PARD3: variants seen among roughly 807,000 people sequenced by gnomAD.
PARD3 encodes par-3 family cell polarity regulator, also known as partitioning defective 3 homolog.
A neutral mutation model predicts 155.4 loss-of-function variants in PARD3; 75 were observed. The ratio of observed to expected loss-of-function variants is 0.48; its 90% CI spans 0.40 to 0.58. The LOEUF is 0.58. Among genes scored for constraint, PARD3 ranks in the 20% least tolerant of loss-of-function variants. The pLI is 0.00. For missense variants in PARD3, 1,642 were observed against 1,721.7 expected, an observed-to-expected ratio of 0.95 and a Z score of 0.82; for synonymous variants, 576 against 610.5, an observed-to-expected ratio of 0.94 and a Z score of 0.83.
chr10:34,145,963 T>C (rs139594424), intron 22 of PARD3, among the ~76,000 whole-genome samples: 2 of 152,298 alleles, frequency 1.3e-5, no homozygotes, highest in East Asian at 1.9e-4. Flanking sequence ...TGACAGTGTA[T>C]GTGGACTCCT....
At chr10:34,785,756 T>C (rs1417758094) in intron 1 of PARD3, among the ~76,000 whole-genome samples, 1 of 152,144 alleles carries the variant, frequency 6.6e-6, no homozygotes, top group Non-Finnish European at 1.5e-5. Context: ...TTATAAGACA[T>C]GGGCGGACCG....
intron 22 of PARD3, among the ~76,000 whole-genome samples, chr10:34,218,012 C>T (rs937547323): frequency 8.5e-5 from 13 of 152,216 alleles, no homozygotes; most frequent in East Asian, 3.9e-4. Flanking sequence ...TGTTTGTGAC[C>T]GATGCCAGAA....
chr10:34,597,538 C>G (rs1036813245), intron 2 of PARD3, among the ~76,000 whole-genome samples: 3 of 152,164 alleles, frequency 2.0e-5, no homozygotes, highest in African/African-American at 7.2e-5. Context: ...AAGTGATCCT[C>G]CCATCTCAGC....
intron 1 of PARD3, among the ~76,000 whole-genome samples, chr10:34,741,826 A>C (rs1387330832): frequency 1.3e-5 from 2 of 152,242 alleles, no homozygotes; most frequent in Non-Finnish European, 2.9e-5. Context: ...AAAAATTAAC[A>C]AAAGTTGATA....
intron 5 of PARD3, among the ~76,000 whole-genome samples, chr10:34,432,850 TA>T (rs1255187093): frequency 6.6e-6 from 1 of 152,022 alleles, no homozygotes; most frequent in Non-Finnish European, 1.5e-5. Context: ...GAAGAGCATG[TA>T]AAAACCCATC....
At chr10:34,697,924 G>A (rs1382370998) in intron 1 of PARD3, among the ~76,000 whole-genome samples, 1 of 152,024 alleles carries the variant, frequency 6.6e-6, no homozygotes, top group Non-Finnish European at 1.5e-5. Context: ...GATGTGTTGA[G>A]TCCCCAAAGA....
intron 22 of PARD3, among the ~76,000 whole-genome samples, chr10:34,249,383 T>G (rs1444421710): frequency 1.3e-5 from 2 of 152,208 alleles, no homozygotes; most frequent in Non-Finnish European, 2.9e-5. Context: ...GCATCAAAAC[T>G]GGCACAGCTA....
At chr10:34,368,782 A>G (rs1268901192) in intron 12 of PARD3, among the ~76,000 whole-genome samples, 1 of 151,204 alleles carries the variant, frequency 6.6e-6, no homozygotes, top group Non-Finnish European at 1.5e-5. Context: ...GTTAATGGAA[A>G]TCAATGGTAC....
intron 2 of PARD3, among the ~76,000 whole-genome samples, chr10:34,538,150 A>T (rs2083344517): frequency 6.6e-6 from 1 of 152,244 alleles, no homozygotes; most frequent in Non-Finnish European, 1.5e-5. Flanking sequence ...CGTCTCAAAA[A>T]TAAATAAATA....
chr10:34,365,945 T>C (rs1050970827), intron 12 of PARD3, among the ~76,000 whole-genome samples: 3 of 152,148 alleles, frequency 2.0e-5, no homozygotes, highest in Non-Finnish European at 2.9e-5. Flanking sequence ...CACAAATATA[T>C]ATATGAAAAA....
At chr10:34,673,172 T>G (rs899827473) in intron 2 of PARD3, among the ~76,000 whole-genome samples, 11 of 152,192 alleles carry the variant, frequency 7.2e-5, no homozygotes, top group African/African-American at 2.2e-4. Context: ...CTCAACACAC[T>G]GCATGATATT....
At chr10:34,266,218 T>C (rs1209648143) in intron 22 of PARD3, among the ~76,000 whole-genome samples, 1 of 121,756 alleles carries the variant, frequency 8.2e-6, no homozygotes, top group Non-Finnish European at 1.6e-5. Flanking sequence ...TACCAAGAGA[T>C]TGTCTTTCTA....
intron 5 of PARD3, among the ~76,000 whole-genome samples, chr10:34,446,023 G>A (rs1385098081): frequency 6.6e-6 from 1 of 152,164 alleles, no homozygotes; most frequent in Non-Finnish European, 1.5e-5. Flanking sequence ...GGGCAGAAGA[G>A]TAGGGCAATT....
At chr10:34,772,556 C>T (rs534227086) in intron 1 of PARD3, among the ~76,000 whole-genome samples, 2 of 151,744 alleles carry the variant, frequency 1.3e-5, no homozygotes, top group South Asian at 4.2e-4. Context: ...CTTTGGGAGG[C>T]TGAGGCGGGT....
chr10:34,181,809 T>C (rs570983171), intron 22 of PARD3, among the ~76,000 whole-genome samples: 8 of 152,160 alleles, frequency 5.3e-5, no homozygotes, highest in African/African-American at 1.9e-4. Flanking sequence ...CTCTGGACTT[T>C]CAGAAATCGC....
intron 4 of PARD3, among the ~76,000 whole-genome samples, chr10:34,454,414 A>T (rs1459319658): frequency 6.6e-6 from 1 of 152,180 alleles, no homozygotes; most frequent in African/African-American, 2.4e-5. Flanking sequence ...TTTCAATTTG[A>T]AAATATTTGC....
At position 34,504,393 on chromosome 10, in the gene PARD3, G is replaced by A. The variant is rs552988461; in HGVS notation, c.403+12586C>T. On this transcript the variant is annotated intron_variant, in intron 3 of 24. Transcript: ENST00000374788. ...CCACGTCTGCCTCCCACAGTGCTGA[G>A]ATTACAGGCTGAGCCAATGTGCTTG... Among the ~76,000 whole-genome samples, 63 of 143,494 alleles carry A rather than the reference G, an allele frequency of 4.4e-4. No individual in the cohort carries two copies. The South Asian group carries it at 0.014, about 31-fold the overall frequency. The allele number at this position is 143,494 out of a possible 152,430, so 94.1% of individuals were successfully genotyped here.
At chr10:34,261,825 G>GAAAGAAAGAAAGAAACAAACAAAC (rs1238097146) in intron 22 of PARD3, among the ~76,000 whole-genome samples, 1 of 138,888 alleles carries the variant, frequency 7.2e-6, no homozygotes, top group African/African-American at 2.7e-5. Context: ...AAGAAAGAAA[G>GAAAGAAAGAAAGAAACAAACAAAC]AAACAAACAA....
At chr10:34,805,874 G>A (rs1014373896) in intron 1 of PARD3, among the ~76,000 whole-genome samples, 6 of 151,956 alleles carry the variant, frequency 3.9e-5, no homozygotes, top group Non-Finnish European at 7.4e-5. Flanking sequence ...CTACTCGGGA[G>A]GCTGAGGCAG....
Sources: gnomAD v4.1 joint callset for allele counts (sites outside exome capture counted in the v4.1 genomes callset) on GRCh38, gnomAD v4.1.1 for gene constraint, MANE v1.5 for transcripts, NCBI Gene and HGNC (gene_info 2026-07-23, HGNC 2026-07-21) for gene names.